TEX101: variants seen among roughly 807,000 people sequenced by gnomAD.
The protein encoded by TEX101 is testis expressed 101, also known as testis-expressed protein 101.
TEX101 carries 10 observed loss-of-function variants against 18.1 expected under a neutral mutation model. The observed-to-expected ratio is 0.55, with a 90% CI of 0.34 to 0.94. The LOEUF is 0.94. TEX101 is among the 40% of genes least tolerant of loss of function. TEX101 has a pLI of 0.02. For synonymous variants in TEX101, 94 were observed against 114.8 expected, an observed-to-expected ratio of 0.82 and a Z score of 1.16; for missense variants, 259 against 298.9, an observed-to-expected ratio of 0.87 and a Z score of 0.98.
At chr19:43,416,687 T>TTTATG (rs1176012107) in intron 4 of TEX101, 132 bp downstream of exon 4, 29 of 868,284 alleles carry the variant, frequency 3.3e-5, no homozygotes, top group Admixed American at 7.5e-5. Flanking sequence ...TTCAAGTAAT[T>TTTATG]TTATGTTTCT....
At chr19:43,389,050 G>A in the TEX101 span, among the ~76,000 whole-genome samples, 2,368 of 152,132 alleles carry the variant, frequency 0.016, 21 homozygotes, top group Non-Finnish European at 0.022. Context: ...GATGCCTCTC[G>A]GATCTCTAAC....
rs1233283818 is a variant in TEX101 at position 43,416,410 on chromosome 19, C to T, written c.246C>T (p.Ile82=). ...CCATTTTGGCCACGAAGGGCTGCATCCCGGAAGGGGAGGAGGCCATAACAA... is the reference window on the plus strand; with the variant it reads ...CCATTTTGGCCACGAAGGGCTGCATTCCGGAAGGGGAGGAGGCCATAACAA... ...ETAILATKGC[I]PEGEEAITIV... is the part of the protein sequence containing the mutation. Residue 82 remains isoleucine (I), a synonymous_variant, in exon 4 of 6, where the codon ATC becomes ATT. Coordinates refer to ENST00000598265, the MANE Select transcript of TEX101 (RefSeq NM_001130011.3). The T allele has an allele frequency of 1.2e-6, 2 of 1,614,152 alleles. No individual in the cohort carries two copies. The highest frequency in any genetic ancestry group is 2.2e-5 in the South Asian group (2 of 91,080).
the TEX101 span, among the ~76,000 whole-genome samples, chr19:43,388,835 G>A: frequency 6.6e-6 from 1 of 152,138 alleles, no homozygotes; most frequent in African/African-American, 2.4e-5. Flanking sequence ...ATGGATGTGA[G>A]GGGGGTTTCT....
At chr19:43,407,271 G>T (rs1191666254) in intron 3 of TEX101, among the ~76,000 whole-genome samples, 1 of 152,154 alleles carries the variant, frequency 6.6e-6, no homozygotes, top group Non-Finnish European at 1.5e-5. Context: ...ATCACCTGAG[G>T]TTGGAAGTTC....
At chr19:43,411,024 G>A (rs763611166), upstream of TEX101, among the ~76,000 whole-genome samples, 3 of 152,110 alleles carry the variant, frequency 2.0e-5, no homozygotes, top group Non-Finnish European at 1.5e-5. Flanking sequence ...TTACAGGCAT[G>A]AGCCATGGCA....
chr19:43,411,881 T>G (rs1402026534), upstream of TEX101, among the ~76,000 whole-genome samples: 2 of 152,160 alleles, frequency 1.3e-5, no homozygotes, highest in African/African-American at 4.8e-5. Flanking sequence ...GGTCTCAAAC[T>G]CCTGACCTCA....
At chr19:43,401,785 G>A (rs1474022648) in intron 1 of TEX101, among the ~76,000 whole-genome samples, 2 of 151,964 alleles carry the variant, frequency 1.3e-5, no homozygotes, top group East Asian at 1.9e-4. Context: ...CCCGGGAGGC[G>A]GTAAGCTGGA....
intron 4 of TEX101, among the ~76,000 whole-genome samples, chr19:43,417,370 T>C (rs1363621551): frequency 1.3e-5 from 2 of 152,202 alleles, no homozygotes; most frequent in Non-Finnish European, 2.9e-5. Flanking sequence ...ATATGAGTCG[T>C]GCAACTTCTC....
upstream of TEX101, among the ~76,000 whole-genome samples, chr19:43,410,106 CAGA>C (rs1161888809): frequency 6.6e-6 from 1 of 152,072 alleles, no homozygotes; most frequent in Non-Finnish European, 1.5e-5. Flanking sequence ...GTAAGGTTTG[CAGA>C]AGATCTCAAT....
At position 43,416,252 on chromosome 19, in the gene TEX101, G is replaced by C. The variant is rs759400593; in HGVS notation, c.208+10G>C. 1 of 1,602,380 alleles carries C rather than the reference G, an allele frequency of 6.2e-7. No homozygotes were observed. The highest frequency in any genetic ancestry group is 1.1e-5 in the South Asian group (1 of 88,422). ...CTAATAATTAAAGCAGGTGAAATGA[G>C]ATGGGGCATTTGGGCTGGGTAGGAG... On this transcript the variant is annotated intron_variant, in intron 3 of 5. Coordinates refer to ENST00000598265, the MANE Select transcript of TEX101 (RefSeq NM_001130011.3).
chr19:43,398,419 G>T (rs1599894755), upstream of TEX101, among the ~76,000 whole-genome samples: 2 of 150,488 alleles, frequency 1.3e-5, no homozygotes, highest in Admixed American at 1.4e-4. Flanking sequence ...GAGACTACAG[G>T]CATGCACCAC....
In TEX101 at chr19:43,418,286, G is replaced by A; in HGVS notation, c.639G>A (p.Leu213=). 6.2e-7 allele frequency: 1 copy of A among 1,614,198 alleles called. No individual in the cohort carries two copies. The highest frequency in any genetic ancestry group is 1.7e-5 in the Admixed American group (1 of 60,016). Residue 213 remains leucine (L), a synonymous_variant, in exon 6 of 6, where the codon CTG becomes CTA. Transcript: ENST00000598265. The stretch of plus-strand genomic sequence containing the variant: ...TGAGGGAAGCGTGCCCACATCAGCT[G>A]CTCACTCAACCTCGAAAGACTGAAA... ...MFVREACPHQ[L]LTQPRKTENG...
upstream of TEX101, among the ~76,000 whole-genome samples, chr19:43,410,910 G>A (rs1970413768): frequency 6.6e-6 from 1 of 152,068 alleles, no homozygotes. Context: ...TGTCACCAGA[G>A]CAAAAGCTGG....
chr19:43,397,858 T>C, upstream of TEX101, among the ~76,000 whole-genome samples: 1 of 75,356 alleles, frequency 1.3e-5, no homozygotes, highest in African/African-American at 4.7e-5. Context: ...ATAATATATA[T>C]AAATATATAA....
At chr19:43,403,423 G>C (rs570656319) in intron 2 of TEX101, among the ~76,000 whole-genome samples, 2 of 152,056 alleles carry the variant, frequency 1.3e-5, no homozygotes, top group African/African-American at 4.8e-5. Context: ...CTTGGACACC[G>C]GGGCCTGTCT....
At chr19:43,392,452 G>A in the TEX101 span, among the ~76,000 whole-genome samples, 5 of 152,126 alleles carry the variant, frequency 3.3e-5, no homozygotes, top group South Asian at 1.0e-3. Context: ...GGATTTGGGT[G>A]TCTCCTTAGA....
chr19:43,405,945 T>C (rs765796498), intron 2 of TEX101, among the ~76,000 whole-genome samples: 3 of 151,664 alleles, frequency 2.0e-5, no homozygotes, highest in Non-Finnish European at 4.4e-5. Flanking sequence ...AATGGAAGGA[T>C]ACACAATTGT....
rs891332552 is a variant in TEX101, at chr19:43,405,191, T to C, written c.-282-1032T>C. 2.0e-5 allele frequency among the ~76,000 whole-genome samples: 3 copies of C among 152,158 alleles called. No individual in the cohort carries two copies. The East Asian group carries it at 5.8e-4, about 29-fold the overall frequency. On this transcript the variant is annotated intron_variant, in intron 2 of 7. Transcript: ENST00000602198. ...TTCAGGAAAAAGGCAAAGGTTTAAA[T>C]TGACTTTAGACTTTGATAAATGAAT...
At chr19:43,390,127 C>A in the TEX101 span, among the ~76,000 whole-genome samples, 19 of 152,288 alleles carry the variant, frequency 1.2e-4, no homozygotes. Flanking sequence ...CCCCACCTAC[C>A]CTCATCCTTC....
Sources: allele counts gnomAD v4.1 joint callset (sites outside exome capture counted in the v4.1 genomes callset), GRCh38; gene constraint gnomAD v4.1.1; transcripts MANE v1.5; gene names NCBI Gene and HGNC (gene_info 2026-07-23, HGNC 2026-07-21).